The following PTPRM variants were observed in gnomAD, a reference collection of about 807,000 sequenced individuals.
PTPRM encodes the protein receptor-type tyrosine-protein phosphatase mu.
A neutral mutation model predicts 186.7 loss-of-function variants in PTPRM; 47 were observed. That is an observed-to-expected ratio of 0.25 (90% CI 0.20 to 0.32). The LOEUF (loss-of-function observed/expected upper bound fraction) is 0.32, where lower values mean the gene tolerates loss of function less well. PTPRM is among the 10% of genes least tolerant of loss of function. The probability of loss-of-function intolerance (pLI) is 1.00; values close to 1 mark genes in which losing one functional copy is unlikely to be tolerated. For synonymous variants in PTPRM, 668 were observed against 674.9 expected (o/e 0.99, Z 0.16); for missense variants, 1,494 against 1,865.0 (o/e 0.80, Z 3.66).
intron 22 of PTPRM, among the ~76,000 whole-genome samples, chr18:8,342,640 G>A (rs16953319): frequency 0.07 from 10,700 of 152,088 alleles, 409 homozygotes; most frequent in South Asian, 0.1. Flanking sequence ...AGATTTCTAC[G>A]CTTACATTTA....
chr18:8,004,773 G>C (rs780974028), intron 7 of PTPRM, among the ~76,000 whole-genome samples: 1 of 152,152 alleles, frequency 6.6e-6, no homozygotes, highest in Non-Finnish European at 1.5e-5. Context: ...GCTTATGGGG[G>C]GCCCTGTGGC....
intron 9 of PTPRM, among the ~76,000 whole-genome samples, chr18:8,078,754 C>T (rs1319947842): frequency 4.6e-5 from 7 of 152,278 alleles, no homozygotes; most frequent in Admixed American, 1.3e-4. Context: ...GCGAGGGTCT[C>T]AGGAACCTTA....
At chr18:8,206,463 T>C (rs2093932732) in intron 14 of PTPRM, among the ~76,000 whole-genome samples, 1 of 152,026 alleles carries the variant, frequency 6.6e-6, no homozygotes, top group Non-Finnish European at 1.5e-5. Flanking sequence ...TTAGCCAGAA[T>C]GGTCTCGATC....
chr18:7,715,471 A>G (rs1276210089), intron 1 of PTPRM, among the ~76,000 whole-genome samples: 1 of 152,180 alleles, frequency 6.6e-6, no homozygotes, highest in East Asian at 1.9e-4. Context: ...CTCTCTCACC[A>G]CTTCTATTCA....
chr18:7,878,263 A>AG (rs1276676667), intron 2 of PTPRM, among the ~76,000 whole-genome samples: 1 of 152,236 alleles, frequency 6.6e-6, no homozygotes, highest in Non-Finnish European at 1.5e-5. Flanking sequence ...GATTACTTAA[A>AG]TTCCAGACTT....
intron 7 of PTPRM, among the ~76,000 whole-genome samples, chr18:8,047,048 T>C (rs2087113993): frequency 6.6e-6 from 1 of 152,226 alleles, no homozygotes; most frequent in Non-Finnish European, 1.5e-5. Flanking sequence ...AGAATTCAAC[T>C]TCAGAAAGAA....
chr18:7,818,728 T>A (rs543609548), intron 2 of PTPRM, among the ~76,000 whole-genome samples: 1 of 152,310 alleles, frequency 6.6e-6, no homozygotes, highest in East Asian at 1.9e-4. Flanking sequence ...TCTCTGCAGG[T>A]GTGAAATGCT....
chr18:8,199,360 CAT>C (rs2093821917), intron 14 of PTPRM, among the ~76,000 whole-genome samples: 1 of 152,180 alleles, frequency 6.6e-6, no homozygotes. Flanking sequence ...GCTCCTCACT[CAT>C]ATCCTGCTTC....
At chr18:7,993,268 G>T (rs954165911) in intron 7 of PTPRM, among the ~76,000 whole-genome samples, 1 of 152,050 alleles carries the variant, frequency 6.6e-6, no homozygotes, top group African/African-American at 2.4e-5. Flanking sequence ...TATTGTGAAT[G>T]CCAGAGGAGA....
intron 14 of PTPRM, among the ~76,000 whole-genome samples, chr18:8,220,953 C>T (rs1381244114): frequency 6.6e-6 from 1 of 152,002 alleles, no homozygotes; most frequent in Non-Finnish European, 1.5e-5. Flanking sequence ...TGTACAAAAC[C>T]CTTATGAGGT....
At position 8,253,449 on chromosome 18, in the gene PTPRM, C is replaced by T. The variant is rs372944712; in HGVS notation, c.2754+35C>T. On this transcript the variant is annotated intron_variant, in intron 19 of 32. Transcript: ENST00000580170. ...AGCTCTGTGCCAGGGCTTTCCCATTCCTTCTTGGATTCCATGCCAGGTACT... is the reference window on the plus strand; with the variant it reads ...AGCTCTGTGCCAGGGCTTTCCCATTTCTTCTTGGATTCCATGCCAGGTACT... The T allele has an allele frequency of 2.9e-6, 4 of 1,385,574 alleles. No homozygotes were observed. The African/African-American group carries it at 5.9e-5, about 21-fold the overall frequency. The allele number at this position is 1,385,574 out of a possible 1,614,324, so 85.8% of individuals were successfully genotyped here.
intron 14 of PTPRM, among the ~76,000 whole-genome samples, chr18:8,209,720 A>G (rs1286535749): frequency 1.3e-5 from 2 of 152,194 alleles, no homozygotes; most frequent in Admixed American, 6.5e-5. Flanking sequence ...TATAAGGACA[A>G]GAACAGAAAA....
At chr18:7,606,803 A>G (rs770111103) in intron 1 of PTPRM, among the ~76,000 whole-genome samples, 3 of 151,784 alleles carry the variant, frequency 2.0e-5, no homozygotes, top group Non-Finnish European at 2.9e-5. Flanking sequence ...GGGAGGGAGG[A>G]TGTCTTGTTT....
At chr18:8,076,386 C>A in intron 8 of PTPRM, 69 bp from the exon 9 acceptor site, 1 of 905,910 alleles carries the variant, frequency 1.1e-6, no homozygotes, top group South Asian at 1.5e-5. Context: ...AGGTTAAAAC[C>A]AAGTCTAGAA....
At chr18:7,973,006 C>G (rs1249855440) in intron 7 of PTPRM, among the ~76,000 whole-genome samples, 2 of 152,094 alleles carry the variant, frequency 1.3e-5, no homozygotes, top group African/African-American at 2.4e-5. Context: ...GAACAGCTCT[C>G]TAGTTGTTAG....
chr18:7,820,972 C>G (rs546799505), intron 2 of PTPRM, among the ~76,000 whole-genome samples: 3 of 152,126 alleles, frequency 2.0e-5, no homozygotes, highest in Non-Finnish European at 2.9e-5. Flanking sequence ...TCAGCTGCCC[C>G]CCAAGGACTG....
chr18:8,118,143 A>C (rs888897232), intron 13 of PTPRM, among the ~76,000 whole-genome samples: 1 of 152,190 alleles, frequency 6.6e-6, no homozygotes, highest in Non-Finnish European at 1.5e-5. Flanking sequence ...AATGAGGTCT[A>C]TTCATTCTAA....
chr18:8,066,427 G>T (rs900800020), intron 7 of PTPRM, among the ~76,000 whole-genome samples: 17 of 152,154 alleles, frequency 1.1e-4, no homozygotes, highest in Admixed American at 9.2e-4. Context: ...ATCTGAAGTG[G>T]ACCATGTCCC....
intron 11 of PTPRM, among the ~76,000 whole-genome samples, chr18:8,110,490 A>G (rs1369030865): frequency 2.6e-5 from 4 of 152,072 alleles, no homozygotes; most frequent in African/African-American, 9.7e-5. Flanking sequence ...GCAGTAGGAG[A>G]ATCTAGGATC....
Sources: allele counts gnomAD v4.1 joint callset (sites outside exome capture counted in the v4.1 genomes callset), GRCh38; gene constraint gnomAD v4.1.1; transcripts MANE v1.5; gene names NCBI Gene and HGNC (gene_info 2026-07-23, HGNC 2026-07-21).